ERCC4: variants seen among roughly 807,000 people sequenced by gnomAD.
The protein encoded by ERCC4 is ERCC excision repair 4, endonuclease catalytic subunit.
A neutral mutation model predicts 76.9 loss-of-function variants in ERCC4; 65 were observed. The observed-to-expected ratio is 0.84, with a 90% CI of 0.69 to 1.04. The LOEUF is 1.04. Ranked by LOEUF, ERCC4 falls within the 50% of genes least tolerant of loss-of-function variation. The probability of loss-of-function intolerance (pLI) is 0.00; values close to 1 mark genes in which losing one functional copy is unlikely to be tolerated. For synonymous variants in ERCC4, 463 were observed against 410.1 expected, an observed-to-expected ratio of 1.13 and a Z score of -1.56; for missense variants, 1,214 against 1,128.2, an observed-to-expected ratio of 1.08 and a Z score of -1.09.
In ERCC4 at chr16:13,935,662, AC is replaced by A. The variant is rs1555468482; in HGVS notation, c.1731del (p.Tyr577Ter). 1 of 1,614,144 alleles carries A rather than the reference AC, an allele frequency of 6.2e-7. No individual in the cohort carries two copies. The highest frequency in any genetic ancestry group is 8.5e-7 in the Non-Finnish European group (1 of 1,180,024). On this transcript the variant is annotated frameshift_variant, in exon 8 of 11. Transcript: ENST00000311895. LOFTEE classifies it high-confidence loss of function. The part of the protein sequence containing the change: ...TRVLHEVEPR[Y>X]VVLYDAELTF... ...GTACTACATGAAGTGGAGCCAAGAT[AC>A]GTGGTTCTTTATGACGCAGAGCTAA...
chr16:13,942,667 T>A (rs2032438330), intron 9 of ERCC4, among the ~76,000 whole-genome samples: 1 of 152,196 alleles, frequency 6.6e-6, no homozygotes, highest in African/African-American at 2.4e-5. Context: ...ATGACTTGCC[T>A]AAGGTCACGT....
chr16:13,922,278 A>G lies in ERCC4; in HGVS notation c.388+67A>G, dbSNP rs575078496. 119 of 1,090,688 alleles carry G rather than the reference A, an allele frequency of 1.1e-4. No homozygotes were observed. In the Middle Eastern group the frequency reaches 1.8e-3, roughly 17 times the overall value. The allele number at this position is 1,090,688 out of a possible 1,614,324, so 67.6% of individuals were successfully genotyped here. On this transcript the variant is annotated intron_variant, in intron 2 of 10. Coordinates refer to ENST00000311895, the MANE Select transcript of ERCC4 (RefSeq NM_005236.3). ...TTTTTTTTTTTTAAGTACAATTTCCATTTTATTTTTCTCCAGAGAATAGTC... is the reference window on the plus strand; with the variant it reads ...TTTTTTTTTTTTAAGTACAATTTCCGTTTTATTTTTCTCCAGAGAATAGTC...
At chr16:13,930,470 ATTC>A (rs2032151033) in intron 4 of ERCC4, among the ~76,000 whole-genome samples, 1 of 152,186 alleles carries the variant, frequency 6.6e-6, no homozygotes, top group African/African-American at 2.4e-5. Flanking sequence ...GCAGTAAGAC[ATTC>A]TTCTATATTT....
At chr16:13,924,088 G>C (rs2141942068) in intron 2 of ERCC4, among the ~76,000 whole-genome samples, 1 of 152,280 alleles carries the variant, frequency 6.6e-6, no homozygotes, top group African/African-American at 2.4e-5. Context: ...TGGCTGAGTG[G>C]AATGTAAATG....
intron 9 of ERCC4, among the ~76,000 whole-genome samples, chr16:13,943,496 A>G (rs1458231416): frequency 3.9e-5 from 6 of 152,208 alleles, no homozygotes; most frequent in Non-Finnish European, 8.8e-5. Flanking sequence ...TCATGAGAAT[A>G]ACATGGGGGA....
chr16:13,933,253 G>T, intron 6 of ERCC4: 1 of 164,190 alleles, frequency 6.1e-6, no homozygotes, highest in Non-Finnish European at 1.4e-5. Context: ...TGGAATATTT[G>T]AATATCCTTT....
Position 13,952,236 on chromosome 16 carries a change from A to G in ERCC4, c.*3889A>G, listed in dbSNP as rs1271005164. The G allele has an allele frequency of 5.3e-6, 1 of 187,812 alleles. No homozygotes were observed. Among genetic ancestry groups the G allele is most frequent in the South Asian group, 1.9e-4 (1 of 5,152 alleles). 11.6% of individuals were successfully genotyped at this position (187,812 alleles called of 1,614,324 possible). On this transcript the variant is annotated 3_prime_UTR_variant, in exon 11 of 11. Transcript: ENST00000311895. ...ATGGGCAAAGTAAAAATAACAATGC[A>G]TAGTGAAAGGGCATATATTACCAGC...
intron 9 of ERCC4, among the ~76,000 whole-genome samples, chr16:13,938,212 C>T (rs1238481093): frequency 6.6e-6 from 1 of 152,168 alleles, no homozygotes; most frequent in Non-Finnish European, 1.5e-5. Context: ...TCTCCCTCCT[C>T]CCTGCCTTAT....
At chr16:13,935,034 T>C in intron 7 of ERCC4, 112 bp from the exon 8 acceptor site, 1 of 848,708 alleles carries the variant, frequency 1.2e-6, no homozygotes, top group East Asian at 2.4e-5. Context: ...ATTGTGGATC[T>C]TTAATACCAA....
chr16:13,927,755 G>T (rs2032098933), intron 3 of ERCC4: 1 of 442,222 alleles, frequency 2.3e-6, no homozygotes, highest in Non-Finnish European at 4.2e-6. Context: ...ATAAGTAATG[G>T]TGTGACTGCA....
At chr16:13,947,362 G>A (rs1180800209) in intron 10 of ERCC4, among the ~76,000 whole-genome samples, 1 of 152,178 alleles carries the variant, frequency 6.6e-6, no homozygotes, top group East Asian at 1.9e-4. Context: ...GGTATGTGTG[G>A]ATTTATGAAT....
intron 9 of ERCC4, among the ~76,000 whole-genome samples, chr16:13,938,391 G>A (rs1320105793): frequency 2.6e-5 from 4 of 152,096 alleles, no homozygotes; most frequent in African/African-American, 9.7e-5. Flanking sequence ...TGAGTATCTG[G>A]TACTATTCCA....
Position 13,935,416 on chromosome 16 carries a change from C to T in ERCC4, c.1484C>T (p.Thr495Ile), listed in dbSNP as rs2141607404. 1 of 1,613,398 alleles carries T rather than the reference C, an allele frequency of 6.2e-7. No individual in the cohort carries two copies. Among genetic ancestry groups the T allele is most frequent in the African/African-American group, 1.3e-5 (1 of 74,962 alleles). Residue 495 changes from threonine to isoleucine, a missense_variant, in exon 8 of 11, where the codon ACT becomes ATT. Thr to Ile is a moderately conservative substitution (Grantham distance 89). Coordinates refer to ENST00000311895, the MANE Select transcript of ERCC4 (RefSeq NM_005236.3). ...AAGAAAAAACGGAAGTTGACCTTAA[C>T]TCAAATGGTAGGAAAACCTGAAGAA... ...LKKKKRKLTL[T>I]QMVGKPEELE...
chr16:13,948,029 G>C lies in ERCC4; in HGVS notation c.2433G>C (p.Glu811Asp). The change falls in exon 11 of 11, where the codon GAG becomes GAC. Residue 811 changes from glutamate to aspartate, a missense_variant. Transcript: ENST00000311895. ...LWCPSPHATA[E>D]LFEELKQSKP... Reference sequence around the variant, plus strand: ...GCCCCTCTCCTCATGCAACGGCGGAGTTGTTTGAGGAGCTGAAACAAAGCA... The same window carrying C: ...GCCCCTCTCCTCATGCAACGGCGGACTTGTTTGAGGAGCTGAAACAAAGCA... 1.2e-6 allele frequency: 2 copies of C among 1,614,130 alleles called. No homozygotes were observed. Among genetic ancestry groups the C allele is most frequent in the East Asian group, 2.2e-5 (1 of 44,874 alleles).
Position 13,951,169 on chromosome 16 carries a change from T to C in ERCC4, c.*2822T>C. The C allele has an allele frequency of 5.4e-6, 1 of 184,646 alleles. No individual in the cohort carries two copies. The highest frequency in any genetic ancestry group is 8.8e-5 in the East Asian group (1 of 11,402). The allele number at this position is 184,646 out of a possible 1,614,324, so 11.4% of individuals were successfully genotyped here. A position where few individuals can be genotyped will look rare whatever the true frequency, so the allele number is the denominator to read the frequency against. On this transcript the variant is annotated 3_prime_UTR_variant, in exon 11 of 11. Transcript: ENST00000311895. ...TACTTAGATTTTTATAAAAATTTTT[T>C]TTACAATCTAATAATCTTTGGTAAA...
Position 13,935,634 on chromosome 16 carries a change from A to C in ERCC4, c.1702A>C (p.Arg568=), listed in dbSNP as rs758658934. ...TTGCAGCGACCCCTATGCTCTGACA[A>C]GGGTACTACATGAAGTGGAGCCAAG... ...LGCSDPYALT[R]VLHEVEPRYV... Residue 568 remains arginine (R), a synonymous_variant, in exon 8 of 11, where the codon AGG becomes CGG. Transcript: ENST00000311895. 3 of 1,614,060 alleles carry C rather than the reference A, an allele frequency of 1.9e-6. No individual in the cohort carries two copies.
chr16:13,936,459 G>C (rs1428453139), intron 8 of ERCC4, among the ~76,000 whole-genome samples: 1 of 152,244 alleles, frequency 6.6e-6, no homozygotes, highest in Non-Finnish European at 1.5e-5. Flanking sequence ...GAAGAGATTA[G>C]ATGAGGCTGG....
intron 4 of ERCC4, 75 bp downstream of exon 4, chr16:13,928,310 T>A: frequency 9.4e-7 from 1 of 1,069,436 alleles, no homozygotes; most frequent in African/African-American, 1.6e-5. Context: ...ATATTTGCAA[T>A]GTTGTTAATA....
intron 5 of ERCC4, chr16:13,931,871 T>C: frequency 2.7e-6 from 1 of 374,352 alleles, no homozygotes; most frequent in Non-Finnish European, 4.8e-6. Context: ...TCACTGGAAA[T>C]GTCAACGCAG....
Sources: gnomAD v4.1 joint callset for allele counts (sites outside exome capture counted in the v4.1 genomes callset) on GRCh38, gnomAD v4.1.1 for gene constraint, MANE v1.5 for transcripts, NCBI Gene and HGNC (gene_info 2026-07-23, HGNC 2026-07-21) for gene names.